Variants in SCAI observed in about 807,000 individuals in gnomAD.
SCAI encodes protein SCAI.
SCAI carries 24 observed loss-of-function variants against 92.2 expected under a neutral mutation model. The observed-to-expected ratio is 0.26, with a 90% CI of 0.19 to 0.37. The LOEUF (loss-of-function observed/expected upper bound fraction) is 0.37, where lower values mean the gene tolerates loss of function less well. Among genes scored for constraint, SCAI ranks in the 10% least tolerant of loss-of-function variants. The probability of loss-of-function intolerance (pLI) is 1.00; values close to 1 mark genes in which losing one functional copy is unlikely to be tolerated. For synonymous variants in SCAI, 261 were observed against 258.6 expected (o/e 1.01, Z -0.09); for missense variants, 450 against 736.2 (o/e 0.61, Z 4.50).
chr9:125,109,389 C>T (rs1164826350), intron 2 of SCAI, among the ~76,000 whole-genome samples: 1 of 151,722 alleles, frequency 6.6e-6, no homozygotes, highest in Non-Finnish European at 1.5e-5. Flanking sequence ...TAATAAAAGA[C>T]AGGTCTCTGG....
intron 17 of SCAI, among the ~76,000 whole-genome samples, chr9:124,967,654 T>TA (rs1305221002): frequency 6.7e-5 from 10 of 149,818 alleles, no homozygotes; most frequent in Admixed American, 4.0e-4. Flanking sequence ...GAAAAAATAA[T>TA]AAAAAAATAC....
intron 5 of SCAI, among the ~76,000 whole-genome samples, chr9:125,027,802 C>T (rs1832992917): frequency 6.6e-6 from 1 of 152,180 alleles, no homozygotes; most frequent in South Asian, 2.1e-4. Flanking sequence ...GCGTGAGCCA[C>T]CACGCCCAGC....
At chr9:125,130,935 G>GTTTTT (rs1564133509) in intron 2 of SCAI, among the ~76,000 whole-genome samples, 4 of 92,734 alleles carry the variant, frequency 4.3e-5, no homozygotes, top group Non-Finnish European at 7.4e-5. Flanking sequence ...GGTTTGAACC[G>GTTTTT]CTTTTTTTTT....
At chr9:125,124,824 A>C (rs1186411188) in intron 2 of SCAI, among the ~76,000 whole-genome samples, 1 of 152,224 alleles carries the variant, frequency 6.6e-6, no homozygotes, top group Non-Finnish European at 1.5e-5. Context: ...AGGGGTTGAA[A>C]AAGAGTTTAA....
intron 2 of SCAI, among the ~76,000 whole-genome samples, chr9:125,097,553 T>G (rs1834584877): frequency 6.6e-6 from 1 of 152,008 alleles, no homozygotes; most frequent in African/African-American, 2.4e-5. Context: ...ATATATGTAA[T>G]CTTCAATATA....
At chr9:125,095,883 A>G (rs776188054) in intron 2 of SCAI, among the ~76,000 whole-genome samples, 23 of 152,240 alleles carry the variant, frequency 1.5e-4, no homozygotes, top group Non-Finnish European at 1.9e-4. Context: ...AGGCCCTGGG[A>G]GGCTTAAACT....
intron 2 of SCAI, among the ~76,000 whole-genome samples, chr9:125,129,359 T>G (rs1835347655): frequency 6.6e-6 from 1 of 150,908 alleles, no homozygotes; most frequent in Admixed American, 6.6e-5. Flanking sequence ...GAGAATCGCT[T>G]GAACCCAGGG....
At chr9:125,027,824 C>T (rs759537904) in intron 5 of SCAI, among the ~76,000 whole-genome samples, 3 of 152,148 alleles carry the variant, frequency 2.0e-5, no homozygotes, top group Non-Finnish European at 4.4e-5. Context: ...ATTTTATTGC[C>T]TTTTAGATTA....
At chr9:125,119,683 T>C (rs990212387) in intron 2 of SCAI, among the ~76,000 whole-genome samples, 3 of 152,370 alleles carry the variant, frequency 2.0e-5, no homozygotes, top group Middle Eastern at 3.4e-3. Context: ...CAATCTTTTA[T>C]TGTGCTCATG....
chr9:125,046,196 G>GATAGATATATATAT (rs1554784575), intron 3 of SCAI, among the ~76,000 whole-genome samples: 27 of 51,880 alleles, frequency 5.2e-4, no homozygotes, highest in Admixed American at 3.9e-3. Flanking sequence ...GAAATTGTGA[G>GATAGATATATATAT]ATATATATAT....
intron 17 of SCAI, among the ~76,000 whole-genome samples, chr9:124,964,454 G>A (rs1831500917): frequency 6.6e-6 from 1 of 152,162 alleles, no homozygotes; most frequent in Admixed American, 6.5e-5. Context: ...ATGATTCCAG[G>A]CTTGATGGCT....
chr9:125,032,197 T>TATATATATATA (rs1564386310), intron 3 of SCAI, among the ~76,000 whole-genome samples: 8 of 84,638 alleles, frequency 9.5e-5, no homozygotes, highest in African/African-American at 3.0e-4. Context: ...ATATATATAT[T>TATATATATATA]TTTTTTTTTT....
At chr9:125,108,280 T>A (rs1423816732) in intron 2 of SCAI, among the ~76,000 whole-genome samples, 1 of 152,014 alleles carries the variant, frequency 6.6e-6, no homozygotes, top group Non-Finnish European at 1.5e-5. Flanking sequence ...GGAGCGTCTC[T>A]GCCTGGCCGC....
intron 13 of SCAI, 139 bp downstream of exon 13, chr9:124,999,752 T>A (rs1003055802): frequency 3.7e-6 from 2 of 541,594 alleles, no homozygotes; most frequent in Non-Finnish European, 6.3e-6. Context: ...TCCAAATAAG[T>A]GTTTCTGGTC....
chr9:125,015,985 A>T (rs1461310912), intron 9 of SCAI, among the ~76,000 whole-genome samples: 1 of 137,184 alleles, frequency 7.3e-6, no homozygotes, highest in East Asian at 2.2e-4. Flanking sequence ...AACAATGAGA[A>T]CACATGGACA....
intron 2 of SCAI, among the ~76,000 whole-genome samples, chr9:125,131,037 G>A (rs954106358): frequency 2.1e-5 from 3 of 139,652 alleles, no homozygotes; most frequent in Non-Finnish European, 3.0e-5. Flanking sequence ...CTCCTACCTC[G>A]GCCTCCCAAA....
chr9:124,974,657 A>G (rs1037510392), intron 15 of SCAI, among the ~76,000 whole-genome samples: 2 of 152,148 alleles, frequency 1.3e-5, no homozygotes, highest in Admixed American at 6.6e-5. Flanking sequence ...TTTGTAACTG[A>G]ACAATTAATT....
intron 2 of SCAI, among the ~76,000 whole-genome samples, chr9:125,114,571 C>T (rs1834997178): frequency 6.6e-6 from 1 of 151,952 alleles, no homozygotes; most frequent in South Asian, 2.1e-4. Context: ...TTTTATATGA[C>T]CTAGAATTTC....
chr9:125,095,060 C>T lies in SCAI; in HGVS notation c.99-39053G>A, dbSNP rs565941566. On this transcript the variant is annotated intron_variant, in intron 2 of 17. Coordinates refer to ENST00000336505, the MANE Select transcript of SCAI (RefSeq NM_001144877.3). ...AGCTCTCCCTTCAAGAAAGAACTTG[C>T]TGGGAGTACTGTCAGCTCCTGTAGA... Among the ~76,000 whole-genome samples, 4 of 152,298 alleles carry T rather than the reference C, an allele frequency of 2.6e-5. No individual in the cohort carries two copies. In the South Asian group the frequency reaches 8.3e-4, roughly 32 times the overall value.
Sources: allele counts gnomAD v4.1 joint callset (sites outside exome capture counted in the v4.1 genomes callset), GRCh38; gene constraint gnomAD v4.1.1; transcripts MANE v1.5; gene names NCBI Gene and HGNC (gene_info 2026-07-23, HGNC 2026-07-21).